Variants in SYT17 observed in about 807,000 individuals in gnomAD.
SYT17 encodes the protein synaptotagmin-17.
A neutral mutation model predicts 46.7 loss-of-function variants in SYT17; 22 were observed. The ratio of observed to expected loss-of-function variants is 0.47; its 90% confidence interval spans 0.34 to 0.67. SYT17 has a LOEUF of 0.67. Ranked by LOEUF, SYT17 falls within the 30% of genes least tolerant of loss-of-function variation. The pLI, the probability that SYT17 is intolerant of heterozygous loss-of-function variation, is 0.01. For missense variants in SYT17, 519 were observed against 612.8 expected (o/e 0.85, Z 1.62); for synonymous variants, 251 against 248.4 (o/e 1.01, Z -0.10).
At chr16:19,208,966 C>T (rs985837933) in intron 5 of SYT17, among the ~76,000 whole-genome samples, 9 of 127,444 alleles carry the variant, frequency 7.1e-5, no homozygotes, top group Non-Finnish European at 1.1e-4. Flanking sequence ...GATCTTGGCT[C>T]ACTGCAATCT....
chr16:19,227,324 C>CTTTT (rs33936912), intron 7 of SYT17, among the ~76,000 whole-genome samples: 41,196 of 142,822 alleles, frequency 0.29, 6,852 homozygotes, highest in African/African-American at 0.43. Flanking sequence ...CTTCTCCCCG[C>CTTTT]TTTTTTTTTT....
intron 3 of SYT17, among the ~76,000 whole-genome samples, chr16:19,174,720 TAAAA>T (rs1964245357): frequency 6.6e-6 from 1 of 152,328 alleles, no homozygotes; most frequent in East Asian, 1.9e-4. Flanking sequence ...AATGGGATGA[TAAAA>T]AGAATAGTAT....
intron 7 of SYT17, among the ~76,000 whole-genome samples, chr16:19,235,487 A>G (rs1273561297): frequency 4.6e-5 from 7 of 152,248 alleles, no homozygotes; most frequent in African/African-American, 1.7e-4. Context: ...GATTTAAGCA[A>G]GACCTAGAGT....
chr16:19,242,159 A>G (rs1967179726), intron 7 of SYT17, among the ~76,000 whole-genome samples: 1 of 152,200 alleles, frequency 6.6e-6, no homozygotes. Flanking sequence ...TGCTGAAGAA[A>G]CACAGAAAAA....
At chr16:19,215,033 C>T (rs947599551) in intron 5 of SYT17, among the ~76,000 whole-genome samples, 1 of 152,182 alleles carries the variant, frequency 6.6e-6, no homozygotes, top group African/African-American at 2.4e-5. Flanking sequence ...AGTGATCTGC[C>T]TGCCTCGGCC....
chr16:19,264,339 C>T (rs1969211904), intron 7 of SYT17, among the ~76,000 whole-genome samples: 1 of 152,132 alleles, frequency 6.6e-6, no homozygotes, highest in Non-Finnish European at 1.5e-5. Flanking sequence ...ACTTTATTTA[C>T]AAAAACAGGT....
chr16:19,252,472 T>TATATATATAC lies in SYT17; in HGVS notation c.1229-14398_1229-14389dup, dbSNP rs1968212171. 1.8e-4 allele frequency among the ~76,000 whole-genome samples: 2 copies of TATATATATAC among 10,894 alleles called. 1 individual carries two copies. The allele number at this position is 10,894 out of a possible 152,430, so 7.1% of individuals were successfully genotyped here. ...ACACATATATACATATATATATACA[T>TATATATATAC]ATATATATACATATATATATACATA... On this transcript the variant is annotated intron_variant, in intron 7 of 7. Transcript: ENST00000355377.
chr16:19,248,576 T>C (rs1400908239), intron 7 of SYT17, among the ~76,000 whole-genome samples: 3 of 152,120 alleles, frequency 2.0e-5, no homozygotes, highest in Non-Finnish European at 4.4e-5. Flanking sequence ...ATCTCCACAC[T>C]TTGGGAGGCT....
intron 7 of SYT17, 125 bp downstream of exon 7, chr16:19,224,963 G>A (rs1163782961): frequency 9.4e-7 from 1 of 1,066,264 alleles, no homozygotes; most frequent in Admixed American, 2.4e-5. Context: ...AACTACCTGG[G>A]TTTGAACCCA....
intron 7 of SYT17, among the ~76,000 whole-genome samples, chr16:19,258,585 T>G (rs1440424330): frequency 6.6e-6 from 1 of 152,102 alleles, no homozygotes; most frequent in East Asian, 1.9e-4. Context: ...GAGGTTGCAG[T>G]GAGCTGAGAT....
intron 5 of SYT17, among the ~76,000 whole-genome samples, chr16:19,185,547 C>T (rs1246228231): frequency 6.6e-6 from 1 of 152,052 alleles, no homozygotes; most frequent in Non-Finnish European, 1.5e-5. Context: ...TATGATCGAG[C>T]CACTGCACTC....
Position 19,173,547 on chromosome 16 carries a change from G to A in SYT17, c.151G>A (p.Gly51Arg). ...QSSEDEVEIL[G>R]PFPAQTPPWL... Reference sequence around the variant, plus strand: ...AAGTGAGGATGAAGTTGAAATTCTGGGACCTTTCCCTGCTCAGACCCCTCC... The same window carrying A: ...AAGTGAGGATGAAGTTGAAATTCTGAGACCTTTCCCTGCTCAGACCCCTCC... Residue 51 changes from glycine (G) to arginine (R), a missense_variant, in exon 3 of 8, where the codon GGA becomes AGA. By Grantham distance (125) the Gly-to-Arg change is moderately radical (BLOSUM62 -2). Coordinates refer to ENST00000355377, the MANE Select transcript of SYT17 (RefSeq NM_016524.4). The A allele has an allele frequency of 6.2e-7, 1 of 1,613,958 alleles. No homozygotes were observed. The highest frequency in any genetic ancestry group is 8.5e-7 in the Non-Finnish European group (1 of 1,179,978).
At chr16:19,186,571 G>A (rs1964798884) in intron 5 of SYT17, among the ~76,000 whole-genome samples, 2 of 152,234 alleles carry the variant, frequency 1.3e-5, no homozygotes, top group South Asian at 2.1e-4. Context: ...TTTATACTCT[G>A]GTCCGTCACA....
In SYT17 at chr16:19,253,392, A is replaced by G. The variant is rs183575805; in HGVS notation, c.1229-13488A>G. Among the ~76,000 whole-genome samples, 433 of 151,892 alleles carry G rather than the reference A, an allele frequency of 2.9e-3. 2 individuals are homozygous for G. The highest frequency in any genetic ancestry group is 6.8e-3 in the Middle Eastern group (2 of 294). On this transcript the variant is annotated intron_variant, in intron 7 of 7. Coordinates refer to ENST00000355377, the MANE Select transcript of SYT17 (RefSeq NM_016524.4). ...GCAGCAAAGTGAGACCCTGAATATT[A>G]AAAAAAAAATTTTTTAAAATAGTTT...
Position 19,168,256 on chromosome 16 carries a change from G to A in SYT17, c.-391G>A, listed in dbSNP as rs538934978. On this transcript the variant is annotated 5_prime_UTR_variant, in exon 1 of 8. Transcript: ENST00000355377. The surrounding 1 kb of genome is among the most constrained non-coding windows in gnomAD (Gnocchi z 6.9). ...GCCTCCTGCGCGCTCCGGCCCCGGC[G>A]TCTCCGGCCCCGCCTGCGCTGGGGT... is the stretch of plus-strand genomic sequence containing the variant. The A allele has an allele frequency of 8.8e-3, 1,558 of 176,516 alleles. 31 individuals are homozygous for A. The highest frequency in any genetic ancestry group is 0.035 in the African/African-American group (1,463 of 41,278). The allele number at this position is 176,516 out of a possible 1,614,324, so 10.9% of individuals were successfully genotyped here.
At chr16:19,177,916 C>T (rs1289421108) in intron 3 of SYT17, among the ~76,000 whole-genome samples, 1 of 152,232 alleles carries the variant, frequency 6.6e-6, no homozygotes, top group East Asian at 1.9e-4. Context: ...AGATGCCCCA[C>T]TTGGCGATTG....
chr16:19,192,180 G>A (rs1488630783), intron 5 of SYT17, among the ~76,000 whole-genome samples: 1 of 152,226 alleles, frequency 6.6e-6, no homozygotes, highest in Non-Finnish European at 1.5e-5. Context: ...AGCACCTTGG[G>A]AGACTTAGGA....
rs765942529 is a variant in SYT17, at chr16:19,224,781, T to A, written c.1171T>A (p.Ser391Thr). Residue 391 changes from serine (S) to threonine (T), a missense_variant, in exon 7 of 8, where the codon TCC becomes ACC. Transcript: ENST00000355377. ...CACAATTGATCCTTTCTACAATGAA[T>A]CCTTCAGCTTCAAAGTTCCCCAAGA... ...RGTIDPFYNE[S>T]FSFKVPQEEL... The A allele has an allele frequency of 6.2e-7, 1 of 1,614,086 alleles. No homozygotes were observed. Among genetic ancestry groups the A allele is most frequent in the Non-Finnish European group, 8.5e-7 (1 of 1,179,970 alleles).
intron 7 of SYT17, among the ~76,000 whole-genome samples, chr16:19,239,675 C>T (rs549414505): frequency 2.6e-5 from 4 of 152,298 alleles, no homozygotes; most frequent in South Asian, 2.1e-4. Flanking sequence ...CATAGTGTTA[C>T]GAGATCATTG....
Sources: gnomAD v4.1 joint callset for allele counts (sites outside exome capture counted in the v4.1 genomes callset) on GRCh38, gnomAD v4.1.1 for gene constraint, Gnocchi (gnomAD v3.1) non-coding constraint, MANE v1.5 for transcripts, NCBI Gene and HGNC (gene_info 2026-07-23, HGNC 2026-07-21) for gene names.